The following GAK variants were observed in gnomAD, a reference collection of about 807,000 sequenced individuals.
GAK encodes the protein cyclin-G-associated kinase.
GAK carries 79 observed loss-of-function variants against 143.9 expected under a neutral mutation model. The ratio of observed to expected loss-of-function variants is 0.55; its 90% CI spans 0.46 to 0.66. The LOEUF (loss-of-function observed/expected upper bound fraction) is 0.66, where lower values mean the gene tolerates loss of function less well. Among genes scored for constraint, GAK ranks in the 30% least tolerant of loss-of-function variants. The pLI, the probability that GAK is intolerant of heterozygous loss-of-function variation, is 0.00. For synonymous variants in GAK, 881 were observed against 765.5 expected, an observed-to-expected ratio of 1.15 and a Z score of -2.49; for missense variants, 1,693 against 1,779.7, an observed-to-expected ratio of 0.95 and a Z score of 0.88.
chr4:929,627 G>A (rs1725359967), intron 1 of GAK, among the ~76,000 whole-genome samples: 1 of 151,594 alleles, frequency 6.6e-6, no homozygotes, highest in South Asian at 2.1e-4. Flanking sequence ...GCCGAGGCAG[G>A]AAGATCCAGA....
In GAK at chr4:867,138, G is replaced by A. The variant is rs774846126; in HGVS notation, c.2690C>T (p.Pro897Leu). 5.8e-5 allele frequency: 92 copies of A among 1,589,748 alleles called. No individual in the cohort carries two copies. Among genetic ancestry groups the A allele is most frequent in the Non-Finnish European group, 7.6e-5 (89 of 1,164,772 alleles). Reference sequence around the variant, plus strand: ...GGAGGGGGCCTTGCAGGCCTGCGGGGGTACAGCTGGCCCTGCGCCCACCTC... The same window carrying A: ...GGAGGGGGCCTTGCAGGCCTGCGGGAGTACAGCTGGCCCTGCGCCCACCTC... Reference protein sequence around the residue: ...HSEVGAGPAVPPQACKAPSSN... With the variant: ...HSEVGAGPAVLPQACKAPSSN... The change falls in exon 21 of 28, where the codon CCC becomes CTC. Residue 897 changes from proline to leucine, a missense_variant. Around this residue, in one of 2 missense-constraint regions of GAK, gnomAD observed 822 missense variants for 788.7 expected, o/e 1.04. Coordinates refer to ENST00000314167, the MANE Select transcript of GAK (RefSeq NM_005255.4).
intron 3 of GAK, chr4:912,037 C>G (rs1298750126): frequency 4.0e-6 from 2 of 499,294 alleles, no homozygotes; most frequent in Admixed American, 4.6e-5. Flanking sequence ...CACCTGACCA[C>G]AGCGACACCA....
At position 867,165 on chromosome 4, in the gene GAK, G is replaced by A; in HGVS notation, c.2663C>T (p.Ser888Phe). The A allele has an allele frequency of 6.2e-7, 1 of 1,604,434 alleles. No homozygotes were observed. The highest frequency in any genetic ancestry group is 1.1e-5 in the South Asian group (1 of 90,162). ...TACAGCTGGCCCTGCGCCCACCTCG[G>A]AGTGCAGGCCCAGGAGGTCGACCCC... The part of the protein sequence containing the change: ...EDGVDLLGLH[S>F]EVGAGPAVPP... Residue 888 changes from serine to phenylalanine, a missense_variant, in exon 21 of 28, where the codon TCC becomes TTC. Ser to Phe is a radical substitution (Grantham distance 155, BLOSUM62 -2). Around this residue, in one of 2 missense-constraint regions of GAK, gnomAD observed 822 missense variants for 788.7 expected, o/e 1.04. Transcript: ENST00000314167.
chr4:866,234 G>C (rs1246831461), intron 22 of GAK, 130 bp downstream of exon 22: 1 of 898,028 alleles, frequency 1.1e-6, no homozygotes, highest in Non-Finnish European at 1.7e-6. Flanking sequence ...TGGGCCGCAA[G>C]GAGCGCACCC....
In GAK at chr4:866,504, G is replaced by A. The variant is rs867390498; in HGVS notation, c.2903C>T (p.Ser968Leu). The A allele has an allele frequency of 1.2e-6, 2 of 1,613,930 alleles. No individual in the cohort carries two copies. The highest frequency in any genetic ancestry group is 1.7e-6 in the Non-Finnish European group (2 of 1,179,962). The change falls in exon 22 of 28, where the codon TCA becomes TTA. Residue 968 changes from serine to leucine, a missense_variant. Coordinates refer to ENST00000314167, the MANE Select transcript of GAK (RefSeq NM_005255.4). Reference sequence around the variant, plus strand: ...GGAGCAGGGCTGGGAGTTGTTGCCTGAAGACGGCAGAAGCGGGCCAAAGGG... The same window carrying A: ...GGAGCAGGGCTGGGAGTTGTTGCCTAAAGACGGCAGAAGCGGGCCAAAGGG... ...ADPFGPLLPS[S>L]GNNSQPCSNP...
intron 9 of GAK, 33 bp downstream of exon 9, chr4:893,344 G>A (rs778280868): frequency 4.0e-5 from 57 of 1,435,350 alleles, no homozygotes; most frequent in Non-Finnish European, 4.7e-5. Flanking sequence ...TCACCACTGC[G>A]GGGGATTTGG....
rs1006366945 is a variant in GAK at position 876,627 on chromosome 4, A to T, written c.1975-18T>A. ...GATGCCATCTGCAAAGAGAGCAAAC[A>T]CGACACCCCACGTGGAGGGTGAATC... is the stretch of plus-strand genomic sequence containing the variant. On this transcript the variant is annotated intron_variant, in intron 17 of 27. Coordinates refer to ENST00000314167, the MANE Select transcript of GAK (RefSeq NM_005255.4). 2.2e-5 allele frequency: 36 copies of T among 1,608,336 alleles called. No homozygotes were observed. Among genetic ancestry groups the T allele is most frequent in the Non-Finnish European group, 3.1e-5 (36 of 1,174,812 alleles).
chr4:906,803 C>T (rs906484854), intron 4 of GAK, among the ~76,000 whole-genome samples: 2 of 152,218 alleles, frequency 1.3e-5, no homozygotes, highest in Non-Finnish European at 2.9e-5. Flanking sequence ...AACCCACACT[C>T]AGGGTCTCCC....
chr4:904,657 T>C lies in GAK; in HGVS notation c.505A>G (p.Ile169Val), dbSNP rs1310087664. 6.9e-6 allele frequency: 11 copies of C among 1,599,952 alleles called. No homozygotes were observed. Among genetic ancestry groups the C allele is most frequent in the Admixed American group, 1.7e-5 (1 of 58,520 alleles). Residue 169 changes from isoleucine (I) to valine (V), a missense_variant, in exon 5 of 28, where the codon ATC becomes GTC. Transcript: ENST00000314167. The stretch of plus-strand genomic sequence containing the variant: ...ACTACCTTGAGGTCCCTGTGGATGA[T>C]GGGCGGCTTCTGCCGGTGCATGTGC... ...VQHMHRQKPP[I>V]IHRDLKVENL...
At chr4:855,203 C>T (rs1748921520) in intron 24 of GAK, among the ~76,000 whole-genome samples, 1 of 152,252 alleles carries the variant, frequency 6.6e-6, no homozygotes, top group Admixed American at 6.5e-5. Context: ...CGGGAGCCTC[C>T]AGGCCGTGAG....
intron 4 of GAK, among the ~76,000 whole-genome samples, chr4:910,814 G>A (rs996265677): frequency 6.6e-6 from 1 of 152,114 alleles, no homozygotes; most frequent in African/African-American, 2.4e-5. Context: ...ACAGCTCTGA[G>A]GCCTCCCCGA....
rs763328534 is a variant in GAK, at chr4:884,031, G to A, written c.1255+6C>T. On this transcript the variant is annotated splice_donor_region_variant and intron_variant, in intron 12 of 27. Coordinates refer to ENST00000314167, the MANE Select transcript of GAK (RefSeq NM_005255.4). Reference sequence around the variant, plus strand: ...CGCGTCCCACAGCCTCATGTGGCACGCATACCTGCAATTCTGGATGTGATG... The same window carrying A: ...CGCGTCCCACAGCCTCATGTGGCACACATACCTGCAATTCTGGATGTGATG... 23 of 1,612,948 alleles carry A rather than the reference G, an allele frequency of 1.4e-5. No homozygotes were observed. Among genetic ancestry groups the A allele is most frequent in the East Asian group, 4.5e-5 (2 of 44,888 alleles).
At chr4:899,577 A>G (rs1719470221) in intron 5 of GAK, among the ~76,000 whole-genome samples, 1 of 147,476 alleles carries the variant, frequency 6.8e-6, no homozygotes, top group Non-Finnish European at 1.5e-5. Flanking sequence ...CCAAGTTCTG[A>G]TAAGCCAGCC....
At chr4:918,608 T>C (rs530678040) in intron 1 of GAK, among the ~76,000 whole-genome samples, 97 of 152,374 alleles carry the variant, frequency 6.4e-4, no homozygotes, top group South Asian at 1.5e-3. Context: ...CCACGATGCA[T>C]ATATACTTCA....
In GAK at chr4:849,963, C is replaced by G; in HGVS notation, c.3763G>C (p.Ala1255Pro). The change falls in exon 27 of 28, where the codon GCC becomes CCC. Residue 1255 changes from alanine to proline, a missense_variant. Physicochemically the swap from Ala to Pro is conservative, Grantham distance 27. Coordinates refer to ENST00000314167, the MANE Select transcript of GAK (RefSeq NM_005255.4). ...ACTTGCTCCGGAGCCACCAGGTCGG[C>G]CATGCCCACGGGCGTCCAGCGGCTC... is the stretch of plus-strand genomic sequence containing the variant. ...GESRWTPVGM[A>P]DLVAPEQVKK... The G allele has an allele frequency of 6.2e-7, 1 of 1,611,838 alleles. No individual in the cohort carries two copies. Among genetic ancestry groups the G allele is most frequent in the South Asian group, 1.1e-5 (1 of 90,814 alleles).
chr4:928,388 G>A (rs899498859), intron 1 of GAK, among the ~76,000 whole-genome samples: 1 of 152,174 alleles, frequency 6.6e-6, no homozygotes, highest in East Asian at 1.9e-4. Context: ...TCTAAGGCTG[G>A]GCACATTATC....
chr4:877,057 G>C (rs376200638), intron 17 of GAK, 33 bp downstream of exon 17: 1 of 1,448,992 alleles, frequency 6.9e-7, no homozygotes, highest in Non-Finnish European at 9.7e-7. Context: ...AGGCGTGAGT[G>C]GGGAGCACCG....
chr4:926,587 G>C (rs762005037), intron 1 of GAK, among the ~76,000 whole-genome samples: 1 of 152,174 alleles, frequency 6.6e-6, no homozygotes, highest in East Asian at 1.9e-4. Flanking sequence ...GACCATGCTC[G>C]GCAAATACGA....
At chr4:909,610 C>A (rs912415574) in intron 4 of GAK, among the ~76,000 whole-genome samples, 10 of 152,222 alleles carry the variant, frequency 6.6e-5, no homozygotes, top group Admixed American at 2.0e-4. Flanking sequence ...AGGATCTTCT[C>A]AGGGGCACAA....
Sources: gnomAD v4.1 joint callset for allele counts (sites outside exome capture counted in the v4.1 genomes callset) on GRCh38, gnomAD v4.1.1 for gene constraint, gnomAD v4.1.1 regional missense constraint, MANE v1.5 for transcripts, NCBI Gene and HGNC (gene_info 2026-07-23, HGNC 2026-07-21) for gene names.